The following TMEM178B variants were observed in gnomAD, a reference collection of about 807,000 sequenced individuals.
TMEM178B encodes transmembrane protein 178B.
TMEM178B carries 5 observed loss-of-function variants against 31.0 expected under a neutral mutation model. The observed-to-expected ratio is 0.16, with a 90% CI of 0.08 to 0.34. The LOEUF (loss-of-function observed/expected upper bound fraction) is 0.34, where lower values mean the gene tolerates loss of function less well. Among genes scored for constraint, TMEM178B ranks in the 10% least tolerant of loss-of-function variants. TMEM178B has a pLI of 1.00. For missense variants in TMEM178B, 275 were observed against 400.3 expected, an observed-to-expected ratio of 0.69 and a Z score of 2.67; for synonymous variants, 164 against 164.0, an observed-to-expected ratio of 1.00 and a Z score of 0.00.
intron 2 of TMEM178B, among the ~76,000 whole-genome samples, chr7:141,407,451 A>G (rs778810560): frequency 6.6e-6 from 1 of 152,234 alleles, no homozygotes; most frequent in South Asian, 2.1e-4. Flanking sequence ...AGGAATGAAA[A>G]TAGCACCATG....
intron 3 of TMEM178B, among the ~76,000 whole-genome samples, chr7:141,465,584 G>A (rs915600739): frequency 2.0e-5 from 3 of 152,116 alleles, no homozygotes; most frequent in Non-Finnish European, 2.9e-5. Flanking sequence ...GTCAGAATAT[G>A]GTGCTGAGTA....
At chr7:141,100,350 T>A (rs1175704207) in intron 1 of TMEM178B, among the ~76,000 whole-genome samples, 29 of 152,196 alleles carry the variant, frequency 1.9e-4, no homozygotes, top group Admixed American at 1.9e-3. Flanking sequence ...GTCGTTTTCT[T>A]CCTGAAAATT....
chr7:141,137,276 G>A (rs536008418), intron 1 of TMEM178B, among the ~76,000 whole-genome samples: 2 of 152,176 alleles, frequency 1.3e-5, no homozygotes, highest in African/African-American at 2.4e-5. Context: ...GTGTATTGCA[G>A]CACTATTCAC....
At chr7:141,079,961 C>G (rs1336575510) in intron 1 of TMEM178B, among the ~76,000 whole-genome samples, 1 of 152,116 alleles carries the variant, frequency 6.6e-6, no homozygotes, top group Non-Finnish European at 1.5e-5. Flanking sequence ...ACTCACCCAC[C>G]ACACTCTACC....
chr7:141,415,451 G>A (rs1183467035), intron 2 of TMEM178B: 1 of 152,870 alleles, frequency 6.5e-6, no homozygotes, highest in Non-Finnish European at 1.5e-5. Context: ...GAAAGTCACA[G>A]GGCAGAAAGC....
chr7:141,393,206 C>T (rs1393684563), intron 2 of TMEM178B, among the ~76,000 whole-genome samples: 5 of 152,072 alleles, frequency 3.3e-5, no homozygotes, highest in African/African-American at 1.2e-4. Context: ...TTTTCTTCTC[C>T]AGGGCAGCTC....
chr7:141,253,712 G>A (rs549477969), intron 2 of TMEM178B, among the ~76,000 whole-genome samples: 13 of 151,990 alleles, frequency 8.6e-5, no homozygotes, highest in African/African-American at 2.9e-4. Flanking sequence ...CACAGCGCCC[G>A]GCTAAATTTT....
intron 2 of TMEM178B, among the ~76,000 whole-genome samples, chr7:141,436,352 C>A (rs1330745368): frequency 1.3e-5 from 2 of 152,120 alleles, no homozygotes; most frequent in African/African-American, 4.8e-5. Context: ...TCAGGCACTT[C>A]CCTTTGACAG....
At chr7:141,272,690 G>A (rs957868850) in intron 2 of TMEM178B, among the ~76,000 whole-genome samples, 20 of 152,186 alleles carry the variant, frequency 1.3e-4, no homozygotes, top group African/African-American at 4.8e-4. Flanking sequence ...CAGCCCGTGG[G>A]CTGCCCTTGC....
chr7:141,425,936 G>C lies in TMEM178B; in HGVS notation c.497-11672G>C, dbSNP rs1369380568. ...CCCCCCCTATCTCTTCCTGACTTGGGGGAGGGACAGTGCAGAAATGTCTGT... is the reference window on the plus strand; with the variant it reads ...CCCCCCCTATCTCTTCCTGACTTGGCGGAGGGACAGTGCAGAAATGTCTGT... On this transcript the variant is annotated intron_variant, in intron 2 of 3. Transcript: ENST00000565468. Among the ~76,000 whole-genome samples the C allele has an allele frequency of 3.3e-5, 5 of 152,138 alleles. No individual in the cohort carries two copies. The South Asian group carries it at 6.2e-4, about 19-fold the overall frequency.
chr7:141,358,374 C>T (rs2116542265), intron 2 of TMEM178B, among the ~76,000 whole-genome samples: 1 of 152,278 alleles, frequency 6.6e-6, no homozygotes, highest in African/African-American at 2.4e-5. Context: ...TTGTTCCTCT[C>T]CCCACACAGT....
chr7:141,393,004 G>T lies in TMEM178B; in HGVS notation c.497-44604G>T, dbSNP rs1240724812. Among the ~76,000 whole-genome samples, 6 of 152,112 alleles carry T rather than the reference G, an allele frequency of 3.9e-5. No homozygotes were observed. The East Asian group carries it at 1.2e-3, about 29-fold the overall frequency. ...TCTGCATTCACCATCTCCAAGCCTT[G>T]TTACTTAAAGTAAATAATGCACCAG... On this transcript the variant is annotated intron_variant, in intron 2 of 3. Transcript: ENST00000565468.
intron 1 of TMEM178B, among the ~76,000 whole-genome samples, chr7:141,097,439 A>C (rs1156426084): frequency 6.6e-6 from 1 of 151,962 alleles, no homozygotes; most frequent in Admixed American, 6.5e-5. Flanking sequence ...ATGTTATAGT[A>C]ATCTGTATGT....
chr7:141,445,971 C>T (rs1801746464), intron 3 of TMEM178B, among the ~76,000 whole-genome samples: 1 of 152,150 alleles, frequency 6.6e-6, no homozygotes, highest in African/African-American at 2.4e-5. Flanking sequence ...TATCTTGCCT[C>T]TTGGAAAGTG....
chr7:141,282,992 A>ATT (rs1798390128), intron 2 of TMEM178B, among the ~76,000 whole-genome samples: 1 of 152,184 alleles, frequency 6.6e-6, no homozygotes, highest in African/African-American at 2.4e-5. Context: ...GGTTGGTACA[A>ATT]AAGTAATTGT....
Position 141,472,707 on chromosome 7 carries a change from TTCC to T in TMEM178B, c.*1923_*1925del, listed in dbSNP as rs1802268381. 1 of 152,412 alleles carries T rather than the reference TTCC, an allele frequency of 6.6e-6. No individual in the cohort carries two copies. Among genetic ancestry groups the T allele is most frequent in the South Asian group, 2.1e-4 (1 of 4,822 alleles). 9.4% of individuals were successfully genotyped at this position (152,412 alleles called of 1,614,324 possible). A position where few individuals can be genotyped will look rare whatever the true frequency, so the allele number is the denominator to read the frequency against. On this transcript the variant is annotated 3_prime_UTR_variant, in exon 4 of 4. Transcript: ENST00000565468. ...TCATTTACACGTCTTCCAACCCATC[TTCC>T]TACCACTCTCCTCCTTTTCTCACCT...
intron 1 of TMEM178B, among the ~76,000 whole-genome samples, chr7:141,147,754 G>A (rs1795878527): frequency 6.6e-6 from 1 of 152,214 alleles, no homozygotes; most frequent in Non-Finnish European, 1.5e-5. Context: ...GGGAGTGGGA[G>A]AGGGATTGAG....
At chr7:141,419,918 G>C (rs1349593110) in intron 2 of TMEM178B, among the ~76,000 whole-genome samples, 2 of 152,144 alleles carry the variant, frequency 1.3e-5, no homozygotes, top group African/African-American at 4.8e-5. Context: ...TTACACAGGA[G>C]TATATAGAAC....
Position 141,212,718 on chromosome 7 carries a change from A to C in TMEM178B, c.496+14A>C. ...GGCATGCCCTACGTAAGTGCACCTG[A>C]GTCTCAGTGGCTGTGACTGTGCTGT... On this transcript the variant is annotated intron_variant, in intron 2 of 3. Transcript: ENST00000565468. The C allele has an allele frequency of 6.5e-7, 1 of 1,528,922 alleles. No individual in the cohort carries two copies. The highest frequency in any genetic ancestry group is 8.8e-7 in the Non-Finnish European group (1 of 1,140,456). The allele number at this position is 1,528,922 out of a possible 1,614,324, so 94.7% of individuals were successfully genotyped here.
Sources: gnomAD v4.1 joint callset for allele counts (sites outside exome capture counted in the v4.1 genomes callset) on GRCh38, gnomAD v4.1.1 for gene constraint, MANE v1.5 for transcripts, NCBI Gene and HGNC (gene_info 2026-07-23, HGNC 2026-07-21) for gene names.